CAPS2: variants seen among roughly 807,000 people sequenced by gnomAD.
The protein encoded by CAPS2 is calcyphosin-2.
Under a neutral mutation model 86.5 loss-of-function variants are expected in CAPS2, and 98 were observed. The observed-to-expected ratio is 1.13, with a 90% CI of 0.96 to 1.34. The LOEUF (loss-of-function observed/expected upper bound fraction) is 1.34. Among genes scored for constraint, CAPS2 ranks in the 40% most tolerant of loss-of-function variants. The pLI is 0.00. For synonymous variants in CAPS2, 210 were observed against 225.1 expected, an observed-to-expected ratio of 0.93 and a Z score of 0.60; for missense variants, 729 against 686.8, an observed-to-expected ratio of 1.06 and a Z score of -0.69.
intron 7 of CAPS2, among the ~76,000 whole-genome samples, chr12:75,308,352 T>G (rs1454433420): frequency 6.6e-6 from 1 of 152,224 alleles, no homozygotes; most frequent in Non-Finnish European, 1.5e-5. Context: ...TACATTTACA[T>G]GTACACCAAG....
chr12:75,338,322 A>G (rs1170168054), intron 1 of CAPS2, among the ~76,000 whole-genome samples: 2 of 152,192 alleles, frequency 1.3e-5, no homozygotes. Context: ...ACAAAACTGG[A>G]AACACCATTA....
At chr12:75,278,915 A>T in exon 17 of CAPS2, 1 of 1,593,882 alleles carries the variant, frequency 6.3e-7, no homozygotes, top group Non-Finnish European at 8.5e-7. Flanking sequence ...AGTACGTAAG[A>T]TGTTAACAAA....
At chr12:75,311,270 G>A (rs1239086144) in intron 7 of CAPS2, among the ~76,000 whole-genome samples, 1 of 152,158 alleles carries the variant, frequency 6.6e-6, no homozygotes, top group Admixed American at 6.5e-5. Context: ...TGAACAGGAT[G>A]GTGGCAGCAG....
intron 14 of CAPS2, among the ~76,000 whole-genome samples, chr12:75,288,972 T>C (rs2035379276): frequency 6.6e-6 from 1 of 152,096 alleles, no homozygotes; most frequent in Non-Finnish European, 1.5e-5. Flanking sequence ...GTAATGCTCT[T>C]GACAGAGAAA....
intron 1 of CAPS2, among the ~76,000 whole-genome samples, chr12:75,346,361 C>T (rs1395021960): frequency 6.6e-6 from 1 of 152,144 alleles, no homozygotes; most frequent in African/African-American, 2.4e-5. Context: ...GTCACTTACT[C>T]ACCAAAACCA....
At chr12:75,360,377 G>A (rs190063311) in intron 1 of CAPS2, 8 of 152,250 alleles carry the variant, frequency 5.3e-5, no homozygotes, top group Non-Finnish European at 8.8e-5. Context: ...CTATAAGCCT[G>A]TAAAATCAAA....
intron 1 of CAPS2, among the ~76,000 whole-genome samples, chr12:75,386,365 GA>G (rs1389202937): frequency 2.6e-5 from 4 of 152,200 alleles, no homozygotes; most frequent in African/African-American, 9.7e-5. Context: ...CTGGAGGCTA[GA>G]AAGTCCAAGG....
rs376247516 is a variant in CAPS2 at position 75,298,901 on chromosome 12, A to C, written c.920T>G (p.Ile307Ser). 8.0e-5 allele frequency: 129 copies of C among 1,611,656 alleles called. No individual in the cohort carries two copies. Among genetic ancestry groups the C allele is most frequent in the Middle Eastern group, 1.6e-4 (1 of 6,074 alleles). Reference sequence around the variant, plus strand: ...TTTCCCAAATTGTCGATATTCATAAATTGTAAGGGATTGGTCATGAGTGAA... The same window carrying C: ...TTTCCCAAATTGTCGATATTCATAACTTGTAAGGGATTGGTCATGAGTGAA... The change falls in exon 10 of 17, where the codon ATT becomes AGT. Residue 307 changes from isoleucine (I) to serine (S), a missense_variant. Ile to Ser is a moderately radical substitution (Grantham distance 142). Coordinates refer to ENST00000393284, the Ensembl canonical transcript of CAPS2.
At chr12:75,299,781 A>G (rs1041509662) in intron 9 of CAPS2, 56 bp downstream of exon 9, 2 of 845,886 alleles carry the variant, frequency 2.4e-6, no homozygotes, top group African/African-American at 1.8e-5. Context: ...TCTATTCAAA[A>G]AGAGAATACG....
intron 1 of CAPS2, among the ~76,000 whole-genome samples, chr12:75,364,042 G>A (rs2043799721): frequency 6.6e-6 from 1 of 152,136 alleles, no homozygotes; most frequent in Non-Finnish European, 1.5e-5. Flanking sequence ...AAGGGGTTGT[G>A]GAGACCAAGG....
chr12:75,288,183 G>A (rs556197885), intron 14 of CAPS2, among the ~76,000 whole-genome samples: 2 of 152,258 alleles, frequency 1.3e-5, no homozygotes, highest in African/African-American at 4.8e-5. Context: ...TGTTGTTGTT[G>A]TTTTAATCTA....
At chr12:75,382,001 A>C (rs1398724206) in intron 1 of CAPS2, among the ~76,000 whole-genome samples, 2 of 152,188 alleles carry the variant, frequency 1.3e-5, no homozygotes, top group Admixed American at 1.3e-4. Flanking sequence ...CCTATTTTAC[A>C]TTTTAACGAA....
At chr12:75,308,376 A>ATAC (rs1338054688) in intron 7 of CAPS2, among the ~76,000 whole-genome samples, 1 of 152,138 alleles carries the variant, frequency 6.6e-6, no homozygotes, top group African/African-American at 2.4e-5. Flanking sequence ...CCAATGGGAA[A>ATAC]CCTCTAGAGG....
intron 1 of CAPS2, among the ~76,000 whole-genome samples, chr12:75,337,713 C>T (rs563092701): frequency 1.3e-5 from 2 of 152,034 alleles, no homozygotes; most frequent in East Asian, 3.9e-4. Context: ...CACATAAAGT[C>T]TCATAAATAT....
At chr12:75,337,726 C>T (rs924251733) in intron 1 of CAPS2, among the ~76,000 whole-genome samples, 1 of 151,950 alleles carries the variant, frequency 6.6e-6, no homozygotes, top group African/African-American at 2.4e-5. Context: ...ATAAATATTA[C>T]ATTCCGTACT....
At chr12:75,358,086 TATC>T (rs1342382751) in intron 1 of CAPS2, among the ~76,000 whole-genome samples, 2 of 151,550 alleles carry the variant, frequency 1.3e-5, no homozygotes, top group Non-Finnish European at 3.0e-5. Context: ...TAATAAAATT[TATC>T]ATCTGCAAAC....
At chr12:75,328,543 C>T, upstream of CAPS2, among the ~76,000 whole-genome samples, 1 of 152,126 alleles carries the variant, frequency 6.6e-6, no homozygotes, top group East Asian at 1.9e-4. Context: ...CCACCCTTAA[C>T]AAAGCATGGG....
At chr12:75,310,168 G>C (rs2038989189) in intron 7 of CAPS2, among the ~76,000 whole-genome samples, 1 of 152,044 alleles carries the variant, frequency 6.6e-6, no homozygotes, top group African/African-American at 2.4e-5. Flanking sequence ...GAGGCTGAAA[G>C]ATAATTAACA....
intron 1 of CAPS2, chr12:75,360,046 G>T (rs143252692): frequency 6.6e-6 from 1 of 152,148 alleles, no homozygotes; most frequent in Non-Finnish European, 1.5e-5. Context: ...AAAACCATCA[G>T]ATCTCATGAG....
Sources: gnomAD v4.1 joint callset for allele counts (sites outside exome capture counted in the v4.1 genomes callset) on GRCh38, gnomAD v4.1.1 for gene constraint, MANE v1.5 for transcripts, NCBI Gene and HGNC (gene_info 2026-07-23, HGNC 2026-07-21) for gene names.